The following TENM4 variants were observed in gnomAD, a reference collection of about 807,000 sequenced individuals.
TENM4 encodes the protein teneurin transmembrane protein 4.
A neutral mutation model predicts 243.3 loss-of-function variants in TENM4; 82 were observed. The ratio of observed to expected loss-of-function variants is 0.34; its 90% CI spans 0.28 to 0.40. The LOEUF (loss-of-function observed/expected upper bound fraction) is 0.40. Among genes scored for constraint, TENM4 ranks in the 10% least tolerant of loss-of-function variants. The probability of loss-of-function intolerance (pLI) is 1.00; values close to 1 mark genes in which losing one functional copy is unlikely to be tolerated. For missense variants in TENM4, 3,138 were observed against 3,673.3 expected (o/e 0.85, Z 3.77); for synonymous variants, 1,412 against 1,456.3 (o/e 0.97, Z 0.69).
intron 6 of TENM4, among the ~76,000 whole-genome samples, chr11:78,977,200 C>T (rs969035718): frequency 3.9e-5 from 6 of 152,196 alleles, no homozygotes; most frequent in East Asian, 1.9e-4. Flanking sequence ...CCCTGCGTGG[C>T]GCTGCCTTCT....
chr11:79,195,664 T>C (rs1486338363), intron 3 of TENM4, among the ~76,000 whole-genome samples: 2 of 152,196 alleles, frequency 1.3e-5, no homozygotes, highest in African/African-American at 4.8e-5. Context: ...TGTACTCTCA[T>C]TGTATCTAGG....
intron 3 of TENM4, among the ~76,000 whole-genome samples, chr11:79,159,834 C>T (rs1272953147): frequency 1.3e-5 from 2 of 152,138 alleles, no homozygotes; most frequent in African/African-American, 2.4e-5. Context: ...AGATGCCTTC[C>T]ACTTCCTCTT....
At chr11:78,826,703 G>A (rs1020775020) in intron 12 of TENM4, among the ~76,000 whole-genome samples, 1 of 152,120 alleles carries the variant, frequency 6.6e-6, no homozygotes, top group Non-Finnish European at 1.5e-5. Flanking sequence ...TTTATGTAGT[G>A]TTTTCAAAAA....
At chr11:79,114,167 A>G (rs1861570154) in intron 4 of TENM4, among the ~76,000 whole-genome samples, 1 of 152,088 alleles carries the variant, frequency 6.6e-6, no homozygotes, top group African/African-American at 2.4e-5. Context: ...CTCCCTCAAC[A>G]TGTATTTTAA....
intron 14 of TENM4, among the ~76,000 whole-genome samples, chr11:78,811,909 T>C (rs977348642): frequency 2.0e-5 from 3 of 152,228 alleles, no homozygotes; most frequent in Non-Finnish European, 4.4e-5. Context: ...GCTCAATACA[T>C]GACATTTCTC....
intron 3 of TENM4, among the ~76,000 whole-genome samples, chr11:79,200,548 C>T (rs1405404697): frequency 1.3e-5 from 2 of 152,232 alleles, no homozygotes; most frequent in Non-Finnish European, 2.9e-5. Flanking sequence ...CTGGGCCTTC[C>T]AGGCTTACTC....
At chr11:78,936,009 A>T (rs1856775024) in intron 6 of TENM4, among the ~76,000 whole-genome samples, 1 of 152,176 alleles carries the variant, frequency 6.6e-6, no homozygotes. Flanking sequence ...TGTAAAATTC[A>T]CTTAATGTAA....
chr11:79,233,665 G>A (rs1864410780), intron 2 of TENM4, among the ~76,000 whole-genome samples: 1 of 152,168 alleles, frequency 6.6e-6, no homozygotes, highest in South Asian at 2.1e-4. Context: ...TGTGAATGGG[G>A]AGAGGAGATC....
chr11:78,738,684 G>A, intron 19 of TENM4, 114 bp from the exon 20 acceptor site: 1 of 1,051,654 alleles, frequency 9.5e-7, no homozygotes, highest in Non-Finnish European at 1.4e-6. Flanking sequence ...GACACATCTT[G>A]TACCCAGGGG....
chr11:78,949,666 G>T (rs944774958), intron 6 of TENM4, among the ~76,000 whole-genome samples: 1 of 152,328 alleles, frequency 6.6e-6, no homozygotes, highest in Admixed American at 6.5e-5. Context: ...GATCAGAGGG[G>T]CTCAAGAAGT....
Position 78,658,580 on chromosome 11 carries a change from G to A in TENM4, c.7788C>T (p.Ala2596=), listed in dbSNP as rs1220848113. 1 of 1,613,996 alleles carries A rather than the reference G, an allele frequency of 6.2e-7. No homozygotes were observed. Among genetic ancestry groups the A allele is most frequent in the South Asian group, 1.1e-5 (1 of 91,084 alleles). The change falls in exon 34 of 34, where the codon GCC becomes GCT. Residue 2596 remains alanine, a synonymous_variant. Transcript: ENST00000278550. The stretch of plus-strand genomic sequence containing the variant: ...CTAGGTAGTGGGCATGGTTCAAGAT[G>A]GCAGCAACCCTTCGCCCATCCTCAT... ...VANEDGRRVA[A]ILNHAHYLEN... is the part of the protein sequence containing the mutation.
Position 78,658,681 on chromosome 11 carries a change from C to A in TENM4, c.7687G>T (p.Gly2563Cys), listed in dbSNP as rs199594129. 6.2e-7 allele frequency: 1 copy of A among 1,613,888 alleles called. No individual in the cohort carries two copies. The highest frequency in any genetic ancestry group is 1.1e-5 in the South Asian group (1 of 91,080). ...APKTKKFASS[G>C]SVFGKGVKFA... ...TTGACCCCCTTGCCAAAGACTGAGCCGCTGGATGCAAACTTCTTGGTCTTT... is the reference window on the plus strand; with the variant it reads ...TTGACCCCCTTGCCAAAGACTGAGCAGCTGGATGCAAACTTCTTGGTCTTT... Residue 2563 changes from glycine to cysteine, a missense_variant, in exon 34 of 34, where the codon GGC becomes TGC. This residue lies in a region of TENM4 where 2,467 missense variants were observed against 3,059.1 expected (regional missense o/e 0.81). Coordinates refer to ENST00000278550, the MANE Select transcript of TENM4 (RefSeq NM_001098816.3).
chr11:78,732,181 T>C, intron 21 of TENM4, 135 bp downstream of exon 21: 4 of 1,292,774 alleles, frequency 3.1e-6, no homozygotes, highest in Non-Finnish European at 4.2e-6. Context: ...GTGGCTGGAT[T>C]TTGCATAACA....
At chr11:79,439,972 C>T (rs944455135) in intron 1 of TENM4, among the ~76,000 whole-genome samples, 1 of 151,992 alleles carries the variant, frequency 6.6e-6, no homozygotes, top group Non-Finnish European at 1.5e-5. Flanking sequence ...GGGCGAGGAG[C>T]TGGGGTCGCA....
chr11:78,831,471 T>C (rs1351993555), intron 12 of TENM4, among the ~76,000 whole-genome samples: 1 of 152,140 alleles, frequency 6.6e-6, no homozygotes, highest in South Asian at 2.1e-4. Context: ...CGGTAATAAA[T>C]GCGTAAAGCC....
At chr11:79,033,844 A>T (rs772277838) in intron 6 of TENM4, among the ~76,000 whole-genome samples, 1 of 152,216 alleles carries the variant, frequency 6.6e-6, no homozygotes, top group Non-Finnish European at 1.5e-5. Flanking sequence ...GGGTCCTAAA[A>T]AGATACAAAT....
intron 6 of TENM4, among the ~76,000 whole-genome samples, chr11:79,048,424 C>T (rs910966813): frequency 1.3e-5 from 2 of 152,134 alleles, no homozygotes; most frequent in African/African-American, 4.8e-5. Context: ...CAGAAGATTG[C>T]CCATTCCCTG....
At chr11:78,826,387 G>A (rs941433636) in intron 12 of TENM4, among the ~76,000 whole-genome samples, 21 of 151,960 alleles carry the variant, frequency 1.4e-4, no homozygotes, top group African/African-American at 4.3e-4. Context: ...ATGCTCGGCC[G>A]GTCTCCTCCC....
rs181112227 is a variant in TENM4, at chr11:78,756,793, C to A, written c.2756+12G>T. 1 of 1,608,996 alleles carries A rather than the reference C, an allele frequency of 6.2e-7. No individual in the cohort carries two copies. Among genetic ancestry groups the A allele is most frequent in the Admixed American group, 1.7e-5 (1 of 59,480 alleles). ...AGAGAGCCCTGGCTGGAGCTGGGGCCCTCGGACTCACCCTCCATCAAAGGG... is the reference window on the plus strand; with the variant it reads ...AGAGAGCCCTGGCTGGAGCTGGGGCACTCGGACTCACCCTCCATCAAAGGG... On this transcript the variant is annotated intron_variant, in intron 19 of 33. Transcript: ENST00000278550.
Sources: allele counts gnomAD v4.1 joint callset (sites outside exome capture counted in the v4.1 genomes callset), GRCh38; gene constraint gnomAD v4.1.1; regional missense constraint gnomAD v4.1.1; transcripts MANE v1.5; gene names NCBI Gene and HGNC (gene_info 2026-07-23, HGNC 2026-07-21).